The following EPS8 variants were observed in gnomAD, a reference collection of about 807,000 sequenced individuals.
EPS8 encodes the protein epidermal growth factor receptor kinase substrate 8.
A neutral mutation model predicts 103.8 loss-of-function variants in EPS8; 42 were observed. That is an observed-to-expected ratio of 0.40 (90% confidence interval 0.32 to 0.52). The LOEUF is 0.52. EPS8 is among the 20% of genes least tolerant of loss of function. The probability of loss-of-function intolerance (pLI) is 0.40; values close to 1 mark genes in which losing one functional copy is unlikely to be tolerated. For synonymous variants in EPS8, 344 were observed against 344.6 expected, an observed-to-expected ratio of 1.00 and a Z score of 0.02; for missense variants, 969 against 1,005.1, an observed-to-expected ratio of 0.96 and a Z score of 0.49.
At chr12:15,631,808 TATA>T in intron 17 of EPS8, 144 bp from the exon 18 acceptor site, 2 of 610,222 alleles carry the variant, frequency 3.3e-6, no homozygotes, top group Non-Finnish European at 5.7e-6. Flanking sequence ...TCCTATATGG[TATA>T]ATGACCATTA....
intron 3 of EPS8, among the ~76,000 whole-genome samples, chr12:15,678,334 G>C (rs1048294777): frequency 6.6e-6 from 1 of 152,146 alleles, no homozygotes; most frequent in African/African-American, 2.4e-5. Flanking sequence ...AGTGTGTTGA[G>C]AGACAGTGGT....
rs1755735023 is a variant in EPS8 at position 15,706,399 on chromosome 12, A to G, written c.-21-23427T>C. On this transcript the variant is annotated intron_variant, in intron 1 of 20. Transcript: ENST00000281172. The surrounding 1 kb of genome is among the most constrained non-coding windows in gnomAD (Gnocchi z 5.2). ...CACTTGTCTAGAATAATTATCTTTT[A>G]TATCTTTGCCTATCTAAATCTTGTA... Among the ~76,000 whole-genome samples, 1 of 152,132 alleles carries G rather than the reference A, an allele frequency of 6.6e-6. No homozygotes were observed. The highest frequency in any genetic ancestry group is 2.4e-5 in the African/African-American group (1 of 41,426).
chr12:15,720,904 C>CT (rs1946587938), intron 1 of EPS8, among the ~76,000 whole-genome samples: 1 of 152,172 alleles, frequency 6.6e-6, no homozygotes, highest in Admixed American at 6.5e-5. Flanking sequence ...ATTTAAAGTG[C>CT]TGTATGAGAT....
rs7138550 is a variant in EPS8 at position 15,657,250 on chromosome 12, C to G, written c.1101+829G>C. On this transcript the variant is annotated intron_variant, in intron 12 of 20. Coordinates refer to ENST00000281172, the MANE Select transcript of EPS8 (RefSeq NM_004447.6). ...CGTTAACTATTCTTCGTCTGGAATT[C>G]TCTTCTTTCAGGGATCCACATGACC... is the stretch of plus-strand genomic sequence containing the variant. Among the ~76,000 whole-genome samples the G allele has an allele frequency of 9.6e-3, 1,460 of 152,258 alleles. 23 individuals carry two copies. Among genetic ancestry groups the G allele is most frequent in the African/African-American group, 0.033 (1,389 of 41,552 alleles).
chr12:15,732,851 C>A, intron 1 of EPS8: 1 of 570,134 alleles, frequency 1.8e-6, no homozygotes, highest in Non-Finnish European at 2.2e-6. Flanking sequence ...ATTGTTAAGG[C>A]TTTGAATACA....
chr12:15,710,188 G>A (rs574470592), intron 1 of EPS8, among the ~76,000 whole-genome samples: 5 of 152,220 alleles, frequency 3.3e-5, no homozygotes, highest in Admixed American at 3.3e-4. Flanking sequence ...AATGAGGAAA[G>A]GCATTTTTTT....
At chr12:15,656,704 T>A (rs1040634989) in intron 12 of EPS8, among the ~76,000 whole-genome samples, 2 of 152,098 alleles carry the variant, frequency 1.3e-5, no homozygotes, top group Non-Finnish European at 2.9e-5. Context: ...ATTCATATAC[T>A]CAACGATCAA....
At chr12:15,754,467 T>C (rs1565531293) in intron 1 of EPS8, among the ~76,000 whole-genome samples, 1 of 152,156 alleles carries the variant, frequency 6.6e-6, no homozygotes, top group Non-Finnish European at 1.5e-5. Context: ...CATATTCTTG[T>C]TTTATTTAGT....
rs1199946403 is a variant in EPS8, at chr12:15,725,509, CATTTT to C, written c.-21-42542_-21-42538del. Reference sequence around the variant, plus strand: ...AAAAATCTGCATGGGTGTGCACATACATTTTGTAGTTTACACGGCACTTCATTTAC... The same window carrying C: ...AAAAATCTGCATGGGTGTGCACATACGTAGTTTACACGGCACTTCATTTAC... On this transcript the variant is annotated intron_variant, in intron 1 of 20. Transcript: ENST00000281172. The surrounding 1 kb of genome is among the most constrained non-coding windows in gnomAD (Gnocchi z 4.5). Among the ~76,000 whole-genome samples, 1 of 150,402 alleles carries C rather than the reference CATTTT, an allele frequency of 6.6e-6. No individual in the cohort carries two copies. Among genetic ancestry groups the C allele is most frequent in the Non-Finnish European group, 1.5e-5 (1 of 67,666 alleles).
At chr12:15,773,549 GA>G (rs113950263) in intron 1 of EPS8, among the ~76,000 whole-genome samples, 83 of 139,380 alleles carry the variant, frequency 6.0e-4, no homozygotes, top group East Asian at 1.4e-3. Context: ...AGAGATTTAA[GA>G]AAAAAAAAAA....
rs530545627 is a variant in EPS8, at chr12:15,767,348, C to T, written c.-22+21813G>A. Reference sequence around the variant, plus strand: ...CTAAGGTCTAGTAACTACTGTTCACCAGTGGAATTTTATGCAGAAAAATGT... The same window carrying T: ...CTAAGGTCTAGTAACTACTGTTCACTAGTGGAATTTTATGCAGAAAAATGT... On this transcript the variant is annotated intron_variant, in intron 1 of 20. Transcript: ENST00000281172. This position sits in a 1 kb window ranked among gnomAD's most constrained non-coding sequence, Gnocchi z 5.5. Among the ~76,000 whole-genome samples the T allele has an allele frequency of 5.3e-5, 8 of 152,198 alleles. No individual in the cohort carries two copies. Among genetic ancestry groups the T allele is most frequent in the African/African-American group, 1.7e-4 (7 of 41,528 alleles).
chr12:15,719,157 T>C (rs967741269), intron 1 of EPS8, among the ~76,000 whole-genome samples: 5 of 152,010 alleles, frequency 3.3e-5, no homozygotes, highest in Admixed American at 1.3e-4. Context: ...ATGTACCTAT[T>C]GAAGCACTGC....
rs900296079 is a variant in EPS8 at position 15,764,485 on chromosome 12, C to T, written c.-22+24676G>A. On this transcript the variant is annotated intron_variant, in intron 1 of 20. Coordinates refer to ENST00000281172, the MANE Select transcript of EPS8 (RefSeq NM_004447.6). The surrounding 1 kb of genome is among the most constrained non-coding windows in gnomAD (Gnocchi z 4.1). ...GAGGCAAAATATCAGACAAAGGTTACCAGAACCGAGGACTGATTTTATGTA... is the reference window on the plus strand; with the variant it reads ...GAGGCAAAATATCAGACAAAGGTTATCAGAACCGAGGACTGATTTTATGTA... 6.6e-6 allele frequency among the ~76,000 whole-genome samples: 1 copy of T among 152,158 alleles called. No individual in the cohort carries two copies. Among genetic ancestry groups the T allele is most frequent in the Non-Finnish European group, 1.5e-5 (1 of 68,028 alleles).
chr12:15,673,069 T>G (rs528439851), intron 3 of EPS8, among the ~76,000 whole-genome samples: 12 of 152,196 alleles, frequency 7.9e-5, no homozygotes, highest in Non-Finnish European at 1.8e-4. Context: ...TAACCCATAG[T>G]TTCCCAATCC....
chr12:15,730,303 C>T (rs1029638403), intron 1 of EPS8, among the ~76,000 whole-genome samples: 1 of 152,108 alleles, frequency 6.6e-6, no homozygotes, highest in African/African-American at 2.4e-5. Context: ...GGTACTTGCC[C>T]AAGACCACAT....
chr12:15,766,075 A>C (rs1367643201), intron 1 of EPS8, among the ~76,000 whole-genome samples: 1 of 151,392 alleles, frequency 6.6e-6, no homozygotes, highest in Non-Finnish European at 1.5e-5. Flanking sequence ...CGGCCTCCCA[A>C]AGTGCTGGGA....
rs1947108294 is a variant in EPS8, at chr12:15,767,314, C to G, written c.-22+21847G>C. ...CACAAATTATTTCTACAGAAGCAGA[C>G]TAGTTCTACTAAGGTCTAGTAACTA... On this transcript the variant is annotated intron_variant, in intron 1 of 20. Transcript: ENST00000281172. This position sits in a 1 kb window ranked among gnomAD's most constrained non-coding sequence, Gnocchi z 5.5. Among the ~76,000 whole-genome samples, 1 of 152,160 alleles carries G rather than the reference C, an allele frequency of 6.6e-6. No homozygotes were observed. The highest frequency in any genetic ancestry group is 1.5e-5 in the Non-Finnish European group (1 of 68,022).
chr12:15,762,377 G>A lies in EPS8; in HGVS notation c.-22+26784C>T, dbSNP rs963220458. Among the ~76,000 whole-genome samples the A allele has an allele frequency of 1.7e-4, 26 of 152,258 alleles. No individual in the cohort carries two copies. The highest frequency in any genetic ancestry group is 5.2e-4 in the Admixed American group (8 of 15,294). On this transcript the variant is annotated intron_variant, in intron 1 of 20. Coordinates refer to ENST00000281172, the MANE Select transcript of EPS8 (RefSeq NM_004447.6). The surrounding 1 kb of genome is among the most constrained non-coding windows in gnomAD (Gnocchi z 4.8). ...CAACCGCTATGCAGAACAGTTTGGC[G>A]GTGCCTCAAAAAACTAAAAGGAGAG...
At position 15,785,366 on chromosome 12, in the gene EPS8, T is replaced by C. The variant is rs1049248832; in HGVS notation, c.-22+3795A>G. 6.6e-6 allele frequency among the ~76,000 whole-genome samples: 1 copy of C among 152,104 alleles called. No homozygotes were observed. The highest frequency in any genetic ancestry group is 2.4e-5 in the African/African-American group (1 of 41,440). Reference sequence around the variant, plus strand: ...CAGGTTAACAATTCCAATGCTGCTATACATCTATGATAGAAATGAATGATT... The same window carrying C: ...CAGGTTAACAATTCCAATGCTGCTACACATCTATGATAGAAATGAATGATT... On this transcript the variant is annotated intron_variant, in intron 1 of 20. Transcript: ENST00000281172. This position sits in a 1 kb window ranked among gnomAD's most constrained non-coding sequence, Gnocchi z 4.9.
Sources: allele counts gnomAD v4.1 joint callset (sites outside exome capture counted in the v4.1 genomes callset), GRCh38; gene constraint gnomAD v4.1.1; non-coding constraint Gnocchi (gnomAD v3.1); transcripts MANE v1.5; gene names NCBI Gene and HGNC (gene_info 2026-07-23, HGNC 2026-07-21).